Variants in RASGRP3 observed in about 807,000 individuals in gnomAD.
RASGRP3 encodes the protein ras guanyl-releasing protein 3.
A neutral mutation model predicts 82.7 loss-of-function variants in RASGRP3; 54 were observed. The observed-to-expected ratio is 0.65, with a 90% CI of 0.52 to 0.82. The LOEUF (loss-of-function observed/expected upper bound fraction) is 0.82, where lower values mean the gene tolerates loss of function less well. RASGRP3 is among the 40% of genes least tolerant of loss of function. The pLI is 0.00. For synonymous variants in RASGRP3, 309 were observed against 300.5 expected (o/e 1.03, Z -0.29); for missense variants, 861 against 828.9 (o/e 1.04, Z -0.48).
At chr2:33,539,731 G>C (rs796794210) in intron 12 of RASGRP3, 6 of 152,378 alleles carry the variant, frequency 3.9e-5, no homozygotes, top group African/African-American at 1.2e-4. Flanking sequence ...GCCGGGCGCG[G>C]TGGCTCACGC....
intron 1 of RASGRP3, among the ~76,000 whole-genome samples, chr2:33,479,253 G>T (rs116607760): frequency 0.013 from 2,015 of 152,222 alleles, 39 homozygotes; most frequent in African/African-American, 0.045. Context: ...GCTGGCTGGT[G>T]GCATGTTTTT....
chr2:33,462,993 C>G (rs1007651491), intron 2 of RASGRP3, among the ~76,000 whole-genome samples: 1 of 152,016 alleles, frequency 6.6e-6, no homozygotes, highest in Non-Finnish European at 1.5e-5. Flanking sequence ...AAACTCTTTT[C>G]AAGAATGAAA....
Position 33,527,156 on chromosome 2 carries a change from A to G in RASGRP3, c.827A>G (p.Glu276Gly). ...TCCCAGAACTGGAATGAAATGACAG[A>G]GTTGGTCTCCTCCAACGGCAATTAC... is the stretch of plus-strand genomic sequence containing the variant. Reference protein sequence around the residue: ...EVTKNWNEMTELVSSNGNYCN... With the variant: ...EVTKNWNEMTGLVSSNGNYCN... Residue 276 changes from glutamate (E) to glycine (G), a missense_variant, in exon 10 of 18, where the codon GAG becomes GGG. Transcript: ENST00000403687. The G allele has an allele frequency of 6.2e-7, 1 of 1,614,002 alleles. No individual in the cohort carries two copies. Among genetic ancestry groups the G allele is most frequent in the Non-Finnish European group, 8.5e-7 (1 of 1,179,878 alleles).
intron 1 of RASGRP3, chr2:33,447,734 G>A (rs1478185164): frequency 6.6e-6 from 1 of 152,218 alleles, no homozygotes; most frequent in Non-Finnish European, 1.5e-5. Flanking sequence ...CCATGTCTGT[G>A]TTTTCTATCT....
At chr2:33,533,697 G>C (rs887561296) in intron 10 of RASGRP3, 1 of 152,570 alleles carries the variant, frequency 6.6e-6, no homozygotes, top group Non-Finnish European at 1.5e-5. Flanking sequence ...CTCTGCCCTC[G>C]TGTATTTACT....
intron 17 of RASGRP3, chr2:33,559,681 G>A (rs924550530): frequency 7.8e-6 from 4 of 510,852 alleles, no homozygotes; most frequent in African/African-American, 3.9e-5. Context: ...TTAAGAGAAA[G>A]GATTTGAGAA....
chr2:33,547,514 C>T (rs1255818732), intron 13 of RASGRP3, among the ~76,000 whole-genome samples: 10 of 151,802 alleles, frequency 6.6e-5, no homozygotes, highest in Non-Finnish European at 8.8e-5. Flanking sequence ...GAAGCCTGGG[C>T]AGGGAGTACA....
intron 1 of RASGRP3, chr2:33,482,923 T>C (rs186706389): frequency 1.3e-5 from 2 of 152,264 alleles, no homozygotes; most frequent in East Asian, 3.9e-4. Context: ...AATTAAAAAA[T>C]ATTCTGAAAA....
chr2:33,506,397 CT>C, intron 1 of RASGRP3, among the ~76,000 whole-genome samples: 1 of 152,292 alleles, frequency 6.6e-6, no homozygotes, highest in East Asian at 1.9e-4. Context: ...AATTTAACTT[CT>C]TTAGGCCTCA....
intron 6 of RASGRP3, 75 bp downstream of exon 6, chr2:33,520,759 G>A: frequency 6.4e-7 from 1 of 1,567,460 alleles, no homozygotes; most frequent in South Asian, 1.2e-5. Flanking sequence ...CACCCCACTT[G>A]TTCTGAGTCC....
intron 1 of RASGRP3, among the ~76,000 whole-genome samples, chr2:33,505,828 T>C (rs992270084): frequency 4.6e-5 from 7 of 152,152 alleles, no homozygotes; most frequent in African/African-American, 1.2e-4. Context: ...TGCAGGTGTC[T>C]AGCATGTATA....
chr2:33,507,421 G>A (rs1481781107), intron 1 of RASGRP3, among the ~76,000 whole-genome samples: 3 of 152,110 alleles, frequency 2.0e-5, no homozygotes, highest in African/African-American at 4.8e-5. Flanking sequence ...TGTGAGTGGT[G>A]GGGCAGAGAT....
rs371725125 is a variant in RASGRP3 at position 33,515,230 on chromosome 2, C to G, written c.70+24C>G. ...TGGTACGAGCCTTTTCTCCTTTCATCTCTTTTGGATCTCTCGATGCTCTCA... is the reference window on the plus strand; with the variant it reads ...TGGTACGAGCCTTTTCTCCTTTCATGTCTTTTGGATCTCTCGATGCTCTCA... On this transcript the variant is annotated intron_variant, in intron 3 of 17. Transcript: ENST00000403687. 468 of 1,610,960 alleles carry G rather than the reference C, an allele frequency of 2.9e-4. 1 individual carries two copies. Among genetic ancestry groups the G allele is most frequent in the Non-Finnish European group, 3.1e-4 (363 of 1,177,264 alleles).
intron 12 of RASGRP3, 49 bp downstream of exon 12, chr2:33,539,259 C>T (rs983096845): frequency 1.5e-6 from 2 of 1,376,768 alleles, no homozygotes; most frequent in African/African-American, 1.4e-5. Flanking sequence ...GACCCTTTCT[C>T]TTTCCAGAAT....
intron 2 of RASGRP3, among the ~76,000 whole-genome samples, chr2:33,451,693 G>T (rs984969584): frequency 2.6e-5 from 4 of 151,914 alleles, no homozygotes; most frequent in African/African-American, 9.7e-5. Context: ...AATGTGTCTT[G>T]GTGAAGATCT....
intron 11 of RASGRP3, among the ~76,000 whole-genome samples, chr2:33,537,367 A>AT (rs57857739): frequency 0.063 from 8,301 of 131,478 alleles, 507 homozygotes; most frequent in East Asian, 0.3. Flanking sequence ...TATAAATGTA[A>AT]TTTTTTTTTT....
chr2:33,457,823 C>G (rs930461396), intron 2 of RASGRP3, among the ~76,000 whole-genome samples: 1 of 152,108 alleles, frequency 6.6e-6, no homozygotes, highest in Non-Finnish European at 1.5e-5. Context: ...ACCTCTCCTA[C>G]TACTTCAGAA....
Position 33,551,765 on chromosome 2 carries a change from G to A in RASGRP3, c.1542+2014G>A, listed in dbSNP as rs188990651. Reference sequence around the variant, plus strand: ...TCCCAGCACTTTGGGAGGCCAAGGCGGGTGGATCATGAGCTCAGGAGATCG... The same window carrying A: ...TCCCAGCACTTTGGGAGGCCAAGGCAGGTGGATCATGAGCTCAGGAGATCG... On this transcript the variant is annotated intron_variant, in intron 14 of 17. Transcript: ENST00000403687. Among the ~76,000 whole-genome samples the A allele has an allele frequency of 3.2e-3, 486 of 152,262 alleles. 3 individuals are homozygous for A. Among genetic ancestry groups the A allele is most frequent in the Non-Finnish European group, 5.0e-3 (340 of 68,022 alleles).
intron 2 of RASGRP3, among the ~76,000 whole-genome samples, chr2:33,456,258 T>C (rs1666028508): frequency 6.6e-6 from 1 of 152,246 alleles, no homozygotes; most frequent in Admixed American, 6.5e-5. Context: ...TTTTCGTTTG[T>C]TATTTAATGA....
Sources: allele counts gnomAD v4.1 joint callset (sites outside exome capture counted in the v4.1 genomes callset), GRCh38; gene constraint gnomAD v4.1.1; transcripts MANE v1.5; gene names NCBI Gene and HGNC (gene_info 2026-07-23, HGNC 2026-07-21).